SNCAIP: variants seen among roughly 807,000 people sequenced by gnomAD.
The protein encoded by SNCAIP is synphilin-1.
In SNCAIP, 43 loss-of-function variants were observed where a neutral mutation model predicts 86.7. The observed-to-expected ratio is 0.50, with a 90% confidence interval of 0.39 to 0.64. The LOEUF (loss-of-function observed/expected upper bound fraction) is 0.64. Ranked by LOEUF, SNCAIP falls within the 30% of genes least tolerant of loss-of-function variation. SNCAIP has a pLI of 0.00. For synonymous variants in SNCAIP, 417 were observed against 427.2 expected (o/e 0.98, Z 0.29); for missense variants, 981 against 1,103.1 (o/e 0.89, Z 1.57).
chr5:122,430,036 C>A (rs2617286), intron 5 of SNCAIP, among the ~76,000 whole-genome samples: 51,944 of 151,800 alleles, frequency 0.34, 9,389 homozygotes, highest in African/African-American at 0.42. Flanking sequence ...ACAACCTTCT[C>A]GGGCAAATAC....
intron 5 of SNCAIP, among the ~76,000 whole-genome samples, chr5:122,426,311 A>T (rs1777360444): frequency 6.6e-6 from 1 of 152,222 alleles, no homozygotes; most frequent in Non-Finnish European, 1.5e-5. Flanking sequence ...TTTACATAAT[A>T]GTTGTGTCTT....
At position 122,358,207 on chromosome 5, in the gene SNCAIP, A is replaced by G. The variant is rs764830941; in HGVS notation, c.-46-32882A>G. Among the ~76,000 whole-genome samples the G allele has an allele frequency of 7.8e-3, 1,034 of 132,650 alleles. 7 individuals carry two copies. The highest frequency in any genetic ancestry group is 0.028 in the African/African-American group (949 of 34,154). The allele number at this position is 132,650 out of a possible 152,430, so 87.0% of individuals were successfully genotyped here. A position where few individuals can be genotyped will look rare whatever the true frequency, so the allele number is the denominator to read the frequency against. On this transcript the variant is annotated intron_variant, in intron 1 of 10. Transcript: ENST00000261368. ...TGTGTGTGTGTGTGTGTGTGTGTATATATATATATATAAAATACTTTAAGT... is the reference window on the plus strand; with the variant it reads ...TGTGTGTGTGTGTGTGTGTGTGTATGTATATATATATAAAATACTTTAAGT...
chr5:122,371,098 G>C (rs1446653828), intron 1 of SNCAIP, among the ~76,000 whole-genome samples: 1 of 152,050 alleles, frequency 6.6e-6, no homozygotes, highest in East Asian at 1.9e-4. Flanking sequence ...AGGATCACTT[G>C]AGACCAGGAG....
At chr5:122,348,129 G>A (rs1758994374) in intron 1 of SNCAIP, among the ~76,000 whole-genome samples, 1 of 152,046 alleles carries the variant, frequency 6.6e-6, no homozygotes. Context: ...AGATTTCAAA[G>A]GACATATGCC....
intron 1 of SNCAIP, among the ~76,000 whole-genome samples, chr5:122,346,645 A>T (rs1758669771): frequency 6.6e-6 from 1 of 152,092 alleles, no homozygotes; most frequent in Non-Finnish European, 1.5e-5. Context: ...AGAATTTTAG[A>T]GCTGTAAAAT....
In SNCAIP at chr5:122,431,991, G is replaced by A. The variant is rs145687025; in HGVS notation, c.1205G>A (p.Arg402His). The change falls in exon 6 of 11, where the codon CGC becomes CAC. Residue 402 changes from arginine to histidine, a missense_variant. Physicochemically the swap from Arg to His is conservative, Grantham distance 29. Coordinates refer to ENST00000261368, the MANE Select transcript of SNCAIP (RefSeq NM_005460.4). ...AIKNGQLECV[R>H]WMVSETEAIA... ...TAGAATGGTCAGTTGGAGTGCGTACGCTGGATGGTGAGCGAAACAGAAGCC... is the reference window on the plus strand; with the variant it reads ...TAGAATGGTCAGTTGGAGTGCGTACACTGGATGGTGAGCGAAACAGAAGCC... 6.8e-5 allele frequency: 108 copies of A among 1,593,050 alleles called. No individual in the cohort carries two copies. The highest frequency in any genetic ancestry group is 3.3e-4 in the Middle Eastern group (2 of 6,036).
chr5:122,341,119 C>T (rs1757486990), intron 1 of SNCAIP, among the ~76,000 whole-genome samples: 1 of 152,140 alleles, frequency 6.6e-6, no homozygotes, highest in East Asian at 1.9e-4. Context: ...TCTCTAGTGC[C>T]AGAAATTTCT....
At chr5:122,446,950 A>G (rs1177464496) in intron 8 of SNCAIP, among the ~76,000 whole-genome samples, 2 of 152,224 alleles carry the variant, frequency 1.3e-5, no homozygotes, top group Non-Finnish European at 2.9e-5. Flanking sequence ...GGGTGTCCCC[A>G]TCAAAAAAGT....
intron 6 of SNCAIP, among the ~76,000 whole-genome samples, chr5:122,438,373 G>A (rs6882465): frequency 6.6e-6 from 1 of 152,162 alleles, no homozygotes; most frequent in African/African-American, 2.4e-5. Flanking sequence ...ATGTGTGTGG[G>A]TGTGAGTGCA....
chr5:122,431,710 A>T (rs1778439458), intron 5 of SNCAIP, among the ~76,000 whole-genome samples: 1 of 152,200 alleles, frequency 6.6e-6, no homozygotes, highest in African/African-American at 2.4e-5. Context: ...TATACAAATT[A>T]TACCTTACTA....
intron 2 of SNCAIP, 39 bp downstream of exon 2, chr5:122,391,230 T>G: frequency 2.1e-6 from 3 of 1,419,030 alleles, no homozygotes; most frequent in Non-Finnish European, 3.0e-6. Context: ...TTCAAGATAA[T>G]CTGCCTTCAA....
rs541353143 is a variant in SNCAIP at position 122,409,930 on chromosome 5, A to G, written c.130+6065A>G. Among the ~76,000 whole-genome samples the G allele has an allele frequency of 7.9e-5, 12 of 152,352 alleles. No individual in the cohort carries two copies. In the East Asian group the frequency reaches 2.3e-3, roughly 29 times the overall value. On this transcript the variant is annotated intron_variant, in intron 3 of 10. Transcript: ENST00000261368. ...AATTGAAAAGCTTGCTGATTAATCCATTTCACAGGATGTAATGTAAACTGG... is the reference window on the plus strand; with the variant it reads ...AATTGAAAAGCTTGCTGATTAATCCGTTTCACAGGATGTAATGTAAACTGG...
chr5:122,341,351 A>G (rs1256367918), intron 1 of SNCAIP, among the ~76,000 whole-genome samples: 1 of 152,192 alleles, frequency 6.6e-6, no homozygotes, highest in African/African-American at 2.4e-5. Flanking sequence ...AGTCATTGGT[A>G]TTTTCTAACA....
intron 1 of SNCAIP, among the ~76,000 whole-genome samples, chr5:122,315,897 G>A (rs1580712849): frequency 6.6e-6 from 1 of 152,264 alleles, no homozygotes; most frequent in Non-Finnish European, 1.5e-5. Flanking sequence ...TATTTAGGAT[G>A]AGGTGACTGA....
At chr5:122,332,816 C>T (rs1312577025) in intron 1 of SNCAIP, among the ~76,000 whole-genome samples, 2 of 152,134 alleles carry the variant, frequency 1.3e-5, no homozygotes, top group South Asian at 2.1e-4. Context: ...CTGTGAGGCC[C>T]ATTAGAACAA....
At position 122,444,658 on chromosome 5, in the gene SNCAIP, C is replaced by T. The variant is rs1343334655; in HGVS notation, c.1518C>T (p.Ser506=). 2 of 1,614,054 alleles carry T rather than the reference C, an allele frequency of 1.2e-6. No homozygotes were observed. Among genetic ancestry groups the T allele is most frequent in the South Asian group, 2.2e-5 (2 of 91,090 alleles). The stretch of plus-strand genomic sequence containing the variant: ...AGCGGCAGGGGCACACCCTGTGCTC[C>T]AGGTACCTGGTGGTGGTGGAGACCT... The part of the protein sequence containing the change: ...SAERQGHTLC[S]RYLVVVETCM... Residue 506 remains serine (S), a synonymous_variant, in exon 8 of 11, where the codon TCC becomes TCT. Coordinates refer to ENST00000261368, the MANE Select transcript of SNCAIP (RefSeq NM_005460.4).
chr5:122,322,520 C>T (rs1189726898), intron 1 of SNCAIP, among the ~76,000 whole-genome samples: 2 of 152,178 alleles, frequency 1.3e-5, no homozygotes, highest in Admixed American at 1.3e-4. Flanking sequence ...TAAGGTCTAA[C>T]CTCAGTTTTA....
At chr5:122,397,437 T>A (rs1770852356) in intron 2 of SNCAIP, among the ~76,000 whole-genome samples, 1 of 152,152 alleles carries the variant, frequency 6.6e-6, no homozygotes, top group Non-Finnish European at 1.5e-5. Context: ...CCTGATGCAC[T>A]CTTAAAATGA....
intron 1 of SNCAIP, among the ~76,000 whole-genome samples, chr5:122,324,889 T>C (rs1008756130): frequency 6.6e-6 from 1 of 152,128 alleles, no homozygotes; most frequent in African/African-American, 2.4e-5. Flanking sequence ...TTCTAGTCAT[T>C]CCCCCTATCT....
Sources: gnomAD v4.1 joint callset for allele counts (sites outside exome capture counted in the v4.1 genomes callset) on GRCh38, gnomAD v4.1.1 for gene constraint, MANE v1.5 for transcripts, NCBI Gene and HGNC (gene_info 2026-07-23, HGNC 2026-07-21) for gene names.